The following ZNF385B variants were observed in gnomAD, a reference collection of about 807,000 sequenced individuals.
ZNF385B encodes the protein zinc finger protein 533.
Under a neutral mutation model 39.2 loss-of-function variants are expected in ZNF385B, and 23 were observed. The observed-to-expected ratio is 0.59, with a 90% CI of 0.42 to 0.83. ZNF385B has a LOEUF of 0.83. Among genes scored for constraint, ZNF385B ranks in the 40% least tolerant of loss-of-function variants. The pLI, the probability that ZNF385B is intolerant of heterozygous loss-of-function variation, is 0.00. For missense variants in ZNF385B, 552 were observed against 598.9 expected (o/e 0.92, Z 0.82); for synonymous variants, 205 against 222.6 (o/e 0.92, Z 0.70).
intron 6 of ZNF385B, among the ~76,000 whole-genome samples, chr2:179,472,676 G>A (rs114149227): frequency 6.6e-6 from 1 of 152,224 alleles, no homozygotes; most frequent in South Asian, 2.1e-4. Flanking sequence ...TCAAATATAC[G>A]GGCTGACAAG....
intron 1 of ZNF385B, among the ~76,000 whole-genome samples, chr2:179,809,326 C>T (rs760424093): frequency 6.6e-6 from 1 of 152,156 alleles, no homozygotes; most frequent in Non-Finnish European, 1.5e-5. Context: ...TCTCTCTCTT[C>T]TATCTTTGTG....
chr2:179,513,695 T>C (rs964585379), intron 5 of ZNF385B, among the ~76,000 whole-genome samples: 4 of 152,250 alleles, frequency 2.6e-5, no homozygotes, highest in Admixed American at 6.5e-5. Flanking sequence ...ACAGAGGTAC[T>C]GTGGAAATGA....
At chr2:179,624,607 G>T (rs1030777255) in intron 3 of ZNF385B, among the ~76,000 whole-genome samples, 1 of 152,128 alleles carries the variant, frequency 6.6e-6, no homozygotes, top group African/African-American at 2.4e-5. Flanking sequence ...AGCAAAATAC[G>T]AGTAAAAAAT....
chr2:179,566,714 T>C (rs1684620162), intron 3 of ZNF385B, among the ~76,000 whole-genome samples: 1 of 152,160 alleles, frequency 6.6e-6, no homozygotes, highest in Non-Finnish European at 1.5e-5. Context: ...CAATTCTAAA[T>C]TATAGTTTTG....
intron 5 of ZNF385B, among the ~76,000 whole-genome samples, chr2:179,499,827 A>T (rs549017090): frequency 1.3e-5 from 2 of 152,146 alleles, no homozygotes; most frequent in African/African-American, 4.8e-5. Context: ...GGACCTCCAA[A>T]TTGGAAAGAA....
intron 7 of ZNF385B, among the ~76,000 whole-genome samples, chr2:179,446,114 C>T (rs756941875): frequency 1.1e-4 from 16 of 151,980 alleles, no homozygotes; most frequent in Non-Finnish European, 1.8e-4. Flanking sequence ...ATTTTCTGAT[C>T]ATTATGTTTT....
At chr2:179,721,284 TAAACGCAA>T (rs2106406226) in intron 3 of ZNF385B, among the ~76,000 whole-genome samples, 1 of 152,204 alleles carries the variant, frequency 6.6e-6, no homozygotes, top group East Asian at 1.9e-4. Context: ...GTGGAAAACA[TAAACGCAA>T]TGAAAACATT....
At chr2:179,798,125 T>C (rs1226878394) in intron 1 of ZNF385B, among the ~76,000 whole-genome samples, 1 of 152,068 alleles carries the variant, frequency 6.6e-6, no homozygotes, top group East Asian at 1.9e-4. Context: ...ACATATCTCA[T>C]GTGTTTCGAT....
intron 5 of ZNF385B, among the ~76,000 whole-genome samples, chr2:179,503,120 C>T (rs546803177): frequency 3.9e-5 from 6 of 152,314 alleles, no homozygotes; most frequent in African/African-American, 1.4e-4. Flanking sequence ...AGTGATCTGA[C>T]TGTCTCAGCT....
intron 3 of ZNF385B, among the ~76,000 whole-genome samples, chr2:179,628,737 T>C (rs558823777): frequency 6.6e-6 from 1 of 152,316 alleles, no homozygotes; most frequent in African/African-American, 2.4e-5. Context: ...AAAAGAGTGA[T>C]GGTTTAGGTC....
At chr2:179,852,776 C>A (rs755142983) in intron 1 of ZNF385B, among the ~76,000 whole-genome samples, 4 of 152,140 alleles carry the variant, frequency 2.6e-5, no homozygotes, top group African/African-American at 4.8e-5. Flanking sequence ...CTGGGTCCTG[C>A]CTCAGACCTA....
At chr2:179,512,958 AG>A (rs984319451) in intron 5 of ZNF385B, among the ~76,000 whole-genome samples, 2 of 152,176 alleles carry the variant, frequency 1.3e-5, no homozygotes, top group Non-Finnish European at 1.5e-5. Flanking sequence ...AGCTAGACAA[AG>A]GGGGGTACAG....
intron 3 of ZNF385B, among the ~76,000 whole-genome samples, chr2:179,571,463 G>A (rs1685208026): frequency 6.6e-6 from 1 of 152,134 alleles, no homozygotes; most frequent in Non-Finnish European, 1.5e-5. Flanking sequence ...GAGGCACTCT[G>A]CCCAGGGCTC....
chr2:179,859,209 T>A (rs1684843824), intron 1 of ZNF385B, among the ~76,000 whole-genome samples: 1 of 152,208 alleles, frequency 6.6e-6, no homozygotes, highest in Non-Finnish European at 1.5e-5. Context: ...TGACAGGTAC[T>A]AATGACAATT....
chr2:179,470,814 G>T (rs536688985), intron 6 of ZNF385B, among the ~76,000 whole-genome samples: 3 of 149,406 alleles, frequency 2.0e-5, no homozygotes, highest in African/African-American at 7.3e-5. Context: ...TAAGCCTGCT[G>T]TTCAAGCCAG....
chr2:179,854,606 G>A (rs943221691), intron 1 of ZNF385B, among the ~76,000 whole-genome samples: 1 of 152,254 alleles, frequency 6.6e-6, no homozygotes, highest in East Asian at 1.9e-4. Flanking sequence ...CAGGCCTCCA[G>A]ACGATGAAAA....
intron 5 of ZNF385B, among the ~76,000 whole-genome samples, chr2:179,488,034 CA>C (rs2054783740): frequency 1.3e-5 from 2 of 151,964 alleles, no homozygotes; most frequent in Admixed American, 1.3e-4. Context: ...TTGTTGCAAA[CA>C]AAAAAGATAA....
intron 5 of ZNF385B, chr2:179,514,368 G>C (rs2057926051): frequency 6.6e-6 from 1 of 152,160 alleles, no homozygotes; most frequent in South Asian, 2.1e-4. Context: ...GGATGATCCA[G>C]GACAATCCTT....
At chr2:179,778,844 T>G (rs1704499836) in intron 1 of ZNF385B, among the ~76,000 whole-genome samples, 1 of 152,202 alleles carries the variant, frequency 6.6e-6, no homozygotes. Flanking sequence ...GTTTGTTACA[T>G]GTGCATAACA....
Sources: gnomAD v4.1 joint callset for allele counts (sites outside exome capture counted in the v4.1 genomes callset) on GRCh38, gnomAD v4.1.1 for gene constraint, MANE v1.5 for transcripts, NCBI Gene and HGNC (gene_info 2026-07-23, HGNC 2026-07-21) for gene names.